NPAS3: variants seen among roughly 807,000 people sequenced by gnomAD.
NPAS3 encodes the protein neuronal PAS domain-containing protein 3.
NPAS3 carries 14 observed loss-of-function variants against 73.1 expected under a neutral mutation model. The ratio of observed to expected loss-of-function variants is 0.19; its 90% CI spans 0.13 to 0.30. The LOEUF (loss-of-function observed/expected upper bound fraction) is 0.30. NPAS3 is among the 10% of genes least tolerant of loss of function. The pLI is 1.00. For synonymous variants in NPAS3, 620 were observed against 541.5 expected (o/e 1.14, Z -2.01); for missense variants, 1,096 against 1,250.0 (o/e 0.88, Z 1.86).
intron 4 of NPAS3, among the ~76,000 whole-genome samples, chr14:33,456,143 A>G (rs1377420067): frequency 6.6e-6 from 1 of 152,232 alleles, no homozygotes; most frequent in African/African-American, 2.4e-5. Flanking sequence ...TCTGTGAGAT[A>G]TGGCTTCCAT....
intron 2 of NPAS3, among the ~76,000 whole-genome samples, chr14:33,114,511 G>C (rs187937576): frequency 1.6e-4 from 25 of 152,222 alleles, no homozygotes; most frequent in Admixed American, 4.6e-4. Context: ...TGAGAGACTT[G>C]GGTATTTGAC....
At chr14:33,105,101 T>C (rs1393087893) in intron 2 of NPAS3, among the ~76,000 whole-genome samples, 1 of 152,146 alleles carries the variant, frequency 6.6e-6, no homozygotes, top group Non-Finnish European at 1.5e-5. Context: ...ATCCATAGGT[T>C]TGTATAAAAG....
chr14:33,705,576 G>A (rs1281655688), intron 6 of NPAS3, among the ~76,000 whole-genome samples: 1 of 152,148 alleles, frequency 6.6e-6, no homozygotes, highest in East Asian at 1.9e-4. Flanking sequence ...TAGAGTTGAA[G>A]CCTCTAATAA....
intron 1 of NPAS3, among the ~76,000 whole-genome samples, chr14:32,989,949 G>A (rs1482590179): frequency 6.6e-6 from 1 of 151,580 alleles, no homozygotes; most frequent in Non-Finnish European, 1.5e-5. Context: ...GTGAATAGGG[G>A]TGGACTTGAT....
intron 2 of NPAS3, among the ~76,000 whole-genome samples, chr14:33,108,493 A>T (rs1183262968): frequency 6.6e-6 from 1 of 152,138 alleles, no homozygotes; most frequent in Non-Finnish European, 1.5e-5. Flanking sequence ...AGTCCATTTT[A>T]GGCAAGCATT....
chr14:33,252,044 CGTGTGTGTGTGTCTGT>C (rs973699590), intron 3 of NPAS3, among the ~76,000 whole-genome samples: 4 of 106,940 alleles, frequency 3.7e-5, no homozygotes, highest in African/African-American at 1.5e-4. Flanking sequence ...TGGGTGTTTG[CGTGTGTGTGTGTCTGT>C]GTGTGTGTGT....
At chr14:33,078,277 A>T (rs1197095076) in intron 2 of NPAS3, among the ~76,000 whole-genome samples, 7 of 152,244 alleles carry the variant, frequency 4.6e-5, no homozygotes, top group Non-Finnish European at 8.8e-5. Flanking sequence ...CCAATGATAG[A>T]GTTAATTGAA....
intron 7 of NPAS3, among the ~76,000 whole-genome samples, chr14:33,745,909 A>G (rs2061776514): frequency 6.6e-6 from 1 of 152,216 alleles, no homozygotes; most frequent in African/African-American, 2.4e-5. Flanking sequence ...ATTTAGCATC[A>G]TGGGAAGACT....
intron 5 of NPAS3, among the ~76,000 whole-genome samples, chr14:33,652,832 A>G (rs1385004820): frequency 6.6e-6 from 1 of 152,146 alleles, no homozygotes; most frequent in Non-Finnish European, 1.5e-5. Flanking sequence ...ATAGATTTAG[A>G]TGCAATAAGC....
chr14:33,798,977 C>CA (rs35096703), intron 11 of NPAS3, among the ~76,000 whole-genome samples: 1,710 of 106,198 alleles, frequency 0.016, 68 homozygotes, highest in African/African-American at 0.056. Context: ...CCTGTCTCTA[C>CA]AAAAAAAAAA....
chr14:33,603,169 G>A (rs1014047602), intron 5 of NPAS3, among the ~76,000 whole-genome samples: 1 of 152,148 alleles, frequency 6.6e-6, no homozygotes, highest in African/African-American at 2.4e-5. Flanking sequence ...TGAAACATGT[G>A]GAAGAGACTC....
rs569682450 is a variant in NPAS3, at chr14:33,236,106, G to A, written c.385+20680G>A. Among the ~76,000 whole-genome samples, 5 of 152,058 alleles carry A rather than the reference G, an allele frequency of 3.3e-5. No homozygotes were observed. The East Asian group carries it at 9.7e-4, about 29-fold the overall frequency. On this transcript the variant is annotated intron_variant, in intron 3 of 11. Transcript: ENST00000356141. ...CAGCCCCAGGGTTCAAAGTGAGAAA[G>A]ATGGCAAAGTTGGTTCTGGTTTGAC... is the stretch of plus-strand genomic sequence containing the variant.
intron 2 of NPAS3, among the ~76,000 whole-genome samples, chr14:33,073,062 G>A (rs2041540830): frequency 6.6e-6 from 1 of 152,096 alleles, no homozygotes; most frequent in Non-Finnish European, 1.5e-5. Context: ...TCACTGCTGG[G>A]TTTTAATATT....
At chr14:33,354,290 C>T (rs1335995575) in intron 3 of NPAS3, among the ~76,000 whole-genome samples, 2 of 152,138 alleles carry the variant, frequency 1.3e-5, no homozygotes, top group African/African-American at 4.8e-5. Flanking sequence ...TCATTTGCTG[C>T]TCAACCGACT....
At chr14:33,055,801 G>GCAGTATCAT in intron 1 of NPAS3, 104 bp from the exon 2 acceptor site, 1 of 593,570 alleles carries the variant, frequency 1.7e-6, no homozygotes, top group South Asian at 2.3e-5. Flanking sequence ...GCTCAAAAGC[G>GCAGTATCAT]TAAAAAGCAA....
intron 1 of NPAS3, among the ~76,000 whole-genome samples, chr14:32,990,321 C>T (rs56201803): frequency 6.6e-6 from 1 of 152,260 alleles, no homozygotes; most frequent in East Asian, 1.9e-4. Flanking sequence ...TATTGACTTG[C>T]TATGATTATT....
At chr14:33,400,230 A>G (rs945945763) in intron 4 of NPAS3, among the ~76,000 whole-genome samples, 1 of 152,156 alleles carries the variant, frequency 6.6e-6, no homozygotes, top group Admixed American at 6.6e-5. Flanking sequence ...CACACTTGTG[A>G]TTAAAGGGAT....
intron 2 of NPAS3, among the ~76,000 whole-genome samples, chr14:33,182,344 GCA>G (rs2045827466): frequency 6.6e-6 from 1 of 151,962 alleles, no homozygotes; most frequent in East Asian, 1.9e-4. Context: ...TTTCTCCATG[GCA>G]CCTCTCTATT....
chr14:33,799,656 T>A lies in NPAS3; in HGVS notation c.1427-78T>A, dbSNP rs1213421983. On this transcript the variant is annotated intron_variant, in intron 11 of 11. Transcript: ENST00000356141. ...GCCCCAGCCCCTGCAGGTGACAGGC[T>A]GGGTCGCCCCGCTAACCTGGTGTCT... is the stretch of plus-strand genomic sequence containing the variant. 7.3e-6 allele frequency: 11 copies of A among 1,501,092 alleles called. No homozygotes were observed. In the African/African-American group the frequency reaches 1.4e-4, roughly 19 times the overall value. The allele number at this position is 1,501,092 out of a possible 1,614,324, so 93.0% of individuals were successfully genotyped here. A position where few individuals can be genotyped will look rare whatever the true frequency, so the allele number is the denominator to read the frequency against.
Sources: gnomAD v4.1 joint callset for allele counts (sites outside exome capture counted in the v4.1 genomes callset) on GRCh38, gnomAD v4.1.1 for gene constraint, MANE v1.5 for transcripts, NCBI Gene and HGNC (gene_info 2026-07-23, HGNC 2026-07-21) for gene names.